The following ZNF773 variants were observed in gnomAD, a reference collection of about 807,000 sequenced individuals.
ZNF773 encodes the protein zinc finger protein 419B.
A neutral mutation model predicts 12.8 loss-of-function variants in ZNF773; 11 were observed. That is an observed-to-expected ratio of 0.86 (90% CI 0.54 to 1.42). The LOEUF is 1.42. ZNF773 is among the 40% of genes most tolerant of loss of function. The pLI, the probability that ZNF773 is intolerant of heterozygous loss-of-function variation, is 0.00. For synonymous variants in ZNF773, 175 were observed against 178.4 expected, an observed-to-expected ratio of 0.98 and a Z score of 0.15; for missense variants, 518 against 527.2, an observed-to-expected ratio of 0.98 and a Z score of 0.17.
downstream of ZNF773, chr19:57,515,842 A>G (rs936346780): frequency 2.6e-5 from 4 of 152,208 alleles, no homozygotes; most frequent in Admixed American, 2.0e-4. Context: ...ACCAGCTACC[A>G]CCTCAAACAA....
chr19:57,505,355 C>T lies in ZNF773; in HGVS notation c.217C>T (p.Pro73Ser), dbSNP rs1265497153. 4.3e-6 allele frequency: 7 copies of T among 1,613,996 alleles called. No homozygotes were observed. The Middle Eastern group carries it at 4.9e-4, about 114-fold the overall frequency. ...EITQLESWEE[P>S]FMPAWEVVTS... The stretch of plus-strand genomic sequence containing the variant: ...AACCCAGCTGGAGTCATGGGAGGAG[C>T]CCTTCATGCCTGCTTGGGAAGTTGT... Residue 73 changes from proline (P) to serine (S), a missense_variant, in exon 3 of 4, where the codon CCC becomes TCC. Physicochemically the swap from Pro to Ser is moderately conservative, Grantham distance 74. Transcript: ENST00000282292.
chr19:57,511,267 G>A (rs2089793053), downstream of ZNF773, among the ~76,000 whole-genome samples: 1 of 151,900 alleles, frequency 6.6e-6, no homozygotes, highest in Non-Finnish European at 1.5e-5. Context: ...TAGCCAAGAT[G>A]GTCTCGATCT....
At chr19:57,517,264 A>G (rs1259446653), downstream of ZNF773, 1 of 152,348 alleles carries the variant, frequency 6.6e-6, no homozygotes, top group African/African-American at 2.4e-5. Context: ...ATAGCACAAT[A>G]CAAACACACA....
chr19:57,515,559 C>T (rs1440014483), downstream of ZNF773: 1 of 152,234 alleles, frequency 6.6e-6, no homozygotes, highest in Non-Finnish European at 1.5e-5. Flanking sequence ...GACACTTACT[C>T]CCATATGCTA....
At chr19:57,509,000 A>G (rs2089776043), downstream of ZNF773, among the ~76,000 whole-genome samples, 1 of 152,122 alleles carries the variant, frequency 6.6e-6, no homozygotes, top group Non-Finnish European at 1.5e-5. Flanking sequence ...AGGTCTTGGT[A>G]TGTTACATAG....
intron 1 of ZNF773, among the ~76,000 whole-genome samples, chr19:57,501,197 C>A (rs1235887088): frequency 3.3e-5 from 5 of 152,100 alleles, no homozygotes; most frequent in African/African-American, 1.2e-4. Flanking sequence ...GAAGGGAGGG[C>A]TCTCAGCAGG....
In ZNF773 at chr19:57,505,333, C is replaced by A. The variant is rs1487990003; in HGVS notation, c.195C>A (p.Thr65=). 6.2e-7 allele frequency: 1 copy of A among 1,613,926 alleles called. No homozygotes were observed. The highest frequency in any genetic ancestry group is 8.5e-7 in the Non-Finnish European group (1 of 1,180,002). ...CATCTTCCAAGACCCATGAAATAACCCAGCTGGAGTCATGGGAGGAGCCCT... is the reference window on the plus strand; with the variant it reads ...CATCTTCCAAGACCCATGAAATAACACAGCTGGAGTCATGGGAGGAGCCCT... ...GLASSKTHEI[T]QLESWEEPFM... Residue 65 remains threonine, a synonymous_variant, in exon 3 of 4, where the codon ACC becomes ACA. Coordinates refer to ENST00000282292, the MANE Select transcript of ZNF773 (RefSeq NM_198542.3).
downstream of ZNF773, among the ~76,000 whole-genome samples, chr19:57,511,019 C>T (rs1056023867): frequency 2.1e-5 from 3 of 143,134 alleles, no homozygotes; most frequent in Non-Finnish European, 4.6e-5. Context: ...GGACTAATTG[C>T]CAAAACAATT....
intron 2 of ZNF773, 199 bp from the exon 3 acceptor site, chr19:57,505,103 C>G: frequency 1.4e-6 from 1 of 717,834 alleles, no homozygotes; most frequent in East Asian, 2.7e-5. Context: ...TACATTCTGC[C>G]TGTCTCCTCT....
chr19:57,516,358 G>C (rs1161907388), downstream of ZNF773: 2 of 153,736 alleles, frequency 1.3e-5, no homozygotes, highest in African/African-American at 4.8e-5. Flanking sequence ...CTGTGCAGAG[G>C]CAAAAACTTA....
At chr19:57,502,542 C>A (rs1476826784) in intron 1 of ZNF773, among the ~76,000 whole-genome samples, 1 of 152,138 alleles carries the variant, frequency 6.6e-6, no homozygotes, top group African/African-American at 2.4e-5. Context: ...TCTTAACAAG[C>A]TTTTTCTGCT....
intron 1 of ZNF773, among the ~76,000 whole-genome samples, chr19:57,501,221 G>T (rs780530284): frequency 6.6e-6 from 1 of 152,056 alleles, no homozygotes; most frequent in Non-Finnish European, 1.5e-5. Flanking sequence ...GTCTTCAGGG[G>T]AGTATATAGC....
At position 57,507,448 on chromosome 19, in the gene ZNF773, G is replaced by T; in HGVS notation, c.*24G>T. Reference sequence around the variant, plus strand: ...GATTGTGAGAAATCCTTTAGCTGGTGTTTCAACCTCATTCAACACCAGAAA... The same window carrying T: ...GATTGTGAGAAATCCTTTAGCTGGTTTTTCAACCTCATTCAACACCAGAAA... On this transcript the variant is annotated 3_prime_UTR_variant, in exon 4 of 4. Transcript: ENST00000282292. The T allele has an allele frequency of 1.3e-6, 2 of 1,555,974 alleles. No individual in the cohort carries two copies. The highest frequency in any genetic ancestry group is 1.7e-6 in the Non-Finnish European group (2 of 1,155,754).
At chr19:57,513,236 T>A, downstream of ZNF773, 1 of 601,270 alleles carries the variant, frequency 1.7e-6, no homozygotes, top group Non-Finnish European at 2.5e-6. Context: ...AAGAGCAACA[T>A]TATATGCAGT....
At chr19:57,504,395 G>A (rs1393611672) in intron 1 of ZNF773, among the ~76,000 whole-genome samples, 2 of 152,108 alleles carry the variant, frequency 1.3e-5, no homozygotes, top group Admixed American at 6.5e-5. Context: ...ACACAATCTG[G>A]GGGATCCAAG....
downstream of ZNF773, among the ~76,000 whole-genome samples, chr19:57,512,621 G>C (rs1341608915): frequency 6.6e-6 from 1 of 152,006 alleles, no homozygotes; most frequent in East Asian, 1.9e-4. Flanking sequence ...GTCTGTGTTG[G>C]AGGTCAAAAG....
intron 3 of ZNF773, among the ~76,000 whole-genome samples, chr19:57,505,668 T>C (rs1162187223): frequency 6.6e-6 from 1 of 151,536 alleles, no homozygotes; most frequent in African/African-American, 2.4e-5. Flanking sequence ...GGTGGGGCGC[T>C]TATTCTTGCA....
At chr19:57,512,224 T>C (rs189478041), downstream of ZNF773, among the ~76,000 whole-genome samples, 107 of 152,270 alleles carry the variant, frequency 7.0e-4, no homozygotes, top group African/African-American at 1.9e-3. Flanking sequence ...CCAGAATTCA[T>C]TGAAATAAGT....
In ZNF773 at chr19:57,500,130, C is replaced by T; in HGVS notation, c.33+17C>T. The T allele has an allele frequency of 6.2e-7, 1 of 1,600,178 alleles. No individual in the cohort carries two copies. Among genetic ancestry groups the T allele is most frequent in the Non-Finnish European group, 8.5e-7 (1 of 1,175,090 alleles). ...CCCGCTCAGGTGAGCGCCGCGTCCT[C>T]CCGGCCTCCCCCGAATCCTAAAGCC... On this transcript the variant is annotated intron_variant, in intron 1 of 3. Transcript: ENST00000282292.
Sources: gnomAD v4.1 joint callset for allele counts (sites outside exome capture counted in the v4.1 genomes callset) on GRCh38, gnomAD v4.1.1 for gene constraint, MANE v1.5 for transcripts, NCBI Gene and HGNC (gene_info 2026-07-23, HGNC 2026-07-21) for gene names.